MYC: variants seen among roughly 807,000 people sequenced by gnomAD.
MYC encodes myc proto-oncogene protein.
In MYC, 1 loss-of-function variant was observed where a neutral mutation model predicts 30.5. The ratio of observed to expected loss-of-function variants is 0.03; its 90% CI spans 0.01 to 0.16. The LOEUF (loss-of-function observed/expected upper bound fraction) is 0.16, where lower values mean the gene tolerates loss of function less well. Among genes scored for constraint, MYC ranks in the 10% least tolerant of loss-of-function variants. MYC has a pLI of 1.00. For synonymous variants in MYC, 267 were observed against 250.7 expected, an observed-to-expected ratio of 1.07 and a Z score of -0.62; for missense variants, 508 against 589.0, an observed-to-expected ratio of 0.86 and a Z score of 1.42.
In MYC at chr8:127,736,579, G is replaced by A; in HGVS notation, c.-15G>A. The A allele has an allele frequency of 6.2e-7, 1 of 1,614,194 alleles. No individual in the cohort carries two copies. On this transcript the variant is annotated 5_prime_UTR_variant, in exon 1 of 3. Transcript: ENST00000621592. ...CCCGCTTCTCTGAAAGGCTCTCCTT[G>A]CAGCTGCTTAGACGCTGGATTTTTT...
upstream of MYC, chr8:127,735,950 C>T: frequency 2.6e-6 from 1 of 389,548 alleles, no homozygotes. Flanking sequence ...TCCCCACCCT[C>T]CCCATAAGCG....
At chr8:127,735,686 G>T, upstream of MYC, 1 of 399,032 alleles carries the variant, frequency 2.5e-6, no homozygotes, top group Non-Finnish European at 4.4e-6. Context: ...TGGCGTGGCG[G>T]TGGGCGCGCA....
chr8:127,736,767 G>A (rs2130084746), intron 1 of MYC, 144 bp downstream of exon 1: 2 of 906,734 alleles, frequency 2.2e-6, no homozygotes, highest in East Asian at 2.6e-5. Context: ...AACTGGGGCT[G>A]GGGTGGGGGG....
intron 2 of MYC, 123 bp from the exon 3 acceptor site, chr8:127,740,273 G>A (rs1032966246): frequency 9.7e-7 from 1 of 1,033,616 alleles, no homozygotes; most frequent in East Asian, 2.6e-5. Flanking sequence ...TCTTTGGGGA[G>A]ATAATTTTGT....
upstream of MYC, chr8:127,735,987 G>C (rs1430571747): frequency 5.1e-6 from 2 of 389,540 alleles, no homozygotes; most frequent in Admixed American, 4.4e-5. Context: ...AAAGCAGAGG[G>C]CGTGGGGGAA....
rs1813592957 is a variant in MYC, at chr8:127,736,513, T to C, written c.-81T>C. 4.7e-6 allele frequency: 7 copies of C among 1,504,618 alleles called. No individual in the cohort carries two copies. The African/African-American group carries it at 9.7e-5, about 21-fold the overall frequency. 93.2% of individuals were successfully genotyped at this position (1,504,618 alleles called of 1,614,324 possible). A position where few individuals can be genotyped will look rare whatever the true frequency, so the allele number is the denominator to read the frequency against. ...CGCGACTCTCCCGACGCGGGGAGGC[T>C]ATTCTGCCCATTTGGGGACACTTCC... On this transcript the variant is annotated 5_prime_UTR_variant, in exon 1 of 3. Transcript: ENST00000621592.
Position 127,738,408 on chromosome 8 carries a change from T to C in MYC, c.191T>C (p.Ile64Thr). The C allele has an allele frequency of 6.2e-7, 1 of 1,613,518 alleles. No homozygotes were observed. Among genetic ancestry groups the C allele is most frequent in the Non-Finnish European group, 8.5e-7 (1 of 1,179,754 alleles). Residue 64 changes from isoleucine (I) to threonine (T), a missense_variant, in exon 2 of 3, where the codon ATC becomes ACC. Physicochemically the swap from Ile to Thr is moderately conservative, Grantham distance 89. Around this residue, in one of 5 missense-constraint regions of MYC, gnomAD observed 70 missense variants for 84.5 expected, o/e 0.83. Transcript: ENST00000621592. This position sits in a 1 kb window ranked among gnomAD's most constrained non-coding sequence, Gnocchi z 7.6. Reference sequence around the variant, plus strand: ...CAGCCCCCGGCGCCCAGCGAGGATATCTGGAAGAAATTCGAGCTGCTGCCC... The same window carrying C: ...CAGCCCCCGGCGCCCAGCGAGGATACCTGGAAGAAATTCGAGCTGCTGCCC...
chr8:127,737,784 G>C (rs1304484451), intron 1 of MYC, among the ~76,000 whole-genome samples: 1 of 152,338 alleles, frequency 6.6e-6, no homozygotes, highest in African/African-American at 2.4e-5. Flanking sequence ...AGCCGCAGCG[G>C]AGGGGCCCCG....
In MYC at chr8:127,736,647, TTTTAA is replaced by T. The variant is rs770464239; in HGVS notation, c.30+29_30+33del. 111 of 1,612,112 alleles carry T rather than the reference TTTTAA, an allele frequency of 6.9e-5. 1 individual carries two copies. The highest frequency in any genetic ancestry group is 7.7e-5 in the Non-Finnish European group (91 of 1,178,466). On this transcript the variant is annotated intron_variant, in intron 1 of 2. Transcript: ENST00000621592. ...AGGTAAGCACCGAAGTCCACTTGCC[TTTTAA>T]TTTATTTTTTTATCACTTTAATGCT...
chr8:127,736,354 G>A lies in MYC; in HGVS notation c.-240G>A. The A allele has an allele frequency of 5.0e-6, 3 of 600,988 alleles. No individual in the cohort carries two copies. The highest frequency in any genetic ancestry group is 8.9e-6 in the Non-Finnish European group (3 of 338,534). The allele number at this position is 600,988 out of a possible 1,614,324, so 37.2% of individuals were successfully genotyped here. ...GGGAAGGGAGATCCGGAGCGAATAG[G>A]GGGCTTCGCCTCTGGCCCAGCCCTC... On this transcript the variant is annotated 5_prime_UTR_variant, in exon 1 of 3. Coordinates refer to ENST00000621592, the MANE Select transcript of MYC (RefSeq NM_002467.6).
chr8:127,736,163 C>A, upstream of MYC: 1 of 461,842 alleles, frequency 2.2e-6, no homozygotes, highest in Non-Finnish European at 3.8e-6. Context: ...TTCTCAGAGG[C>A]TTGGCGGGAA....
rs758197763 is a variant in MYC, at chr8:127,738,304, C to T, written c.87C>T (p.Leu29=). 6.2e-7 allele frequency: 1 copy of T among 1,611,774 alleles called. No individual in the cohort carries two copies. Among genetic ancestry groups the T allele is most frequent in the East Asian group, 2.2e-5 (1 of 44,818 alleles). Residue 29 remains leucine, a synonymous_variant, in exon 2 of 3, where the codon CTC becomes CTT. Coordinates refer to ENST00000621592, the MANE Select transcript of MYC (RefSeq NM_002467.6). The surrounding 1 kb of genome is among the most constrained non-coding windows in gnomAD (Gnocchi z 7.6). ...GCTTCACCAACAGGAACTATGACCT[C>T]GACTACGACTCGGTGCAGCCGTATT...
intron 1 of MYC, among the ~76,000 whole-genome samples, chr8:127,737,684 G>C (rs572418722): frequency 8.6e-4 from 131 of 152,060 alleles, no homozygotes; most frequent in Non-Finnish European, 1.6e-3. Context: ...GGCGGTACTG[G>C]GGGTGGGGAC....
intron 2 of MYC, among the ~76,000 whole-genome samples, chr8:127,739,855 T>C (rs1301376248): frequency 6.6e-6 from 1 of 152,148 alleles, no homozygotes; most frequent in Non-Finnish European, 1.5e-5. Flanking sequence ...ATCAATGTCC[T>C]ATCCTGGGAA....
rs1813706578 is a variant in MYC at position 127,741,218 on chromosome 8, C to T, written c.*260C>T. 2.8e-6 allele frequency: 1 copy of T among 353,840 alleles called. No individual in the cohort carries two copies. Among genetic ancestry groups the T allele is most frequent in the South Asian group, 9.7e-5 (1 of 10,304 alleles). The allele number at this position is 353,840 out of a possible 1,614,324, so 21.9% of individuals were successfully genotyped here. A position where few individuals can be genotyped will look rare whatever the true frequency, so the allele number is the denominator to read the frequency against. ...AAATTTTAAGATTTACACAATGTTT[C>T]TCTGTAAATATTGCCATTAAATGTA... On this transcript the variant is annotated 3_prime_UTR_variant, in exon 3 of 3. Coordinates refer to ENST00000621592, the MANE Select transcript of MYC (RefSeq NM_002467.6).
In MYC at chr8:127,741,190, A is replaced by T. The variant is rs990034221; in HGVS notation, c.*232A>T. 16 of 392,170 alleles carry T rather than the reference A, an allele frequency of 4.1e-5. No homozygotes were observed. Among genetic ancestry groups the T allele is most frequent in the Admixed American group, 2.0e-4 (5 of 24,994 alleles). The allele number at this position is 392,170 out of a possible 1,614,324, so 24.3% of individuals were successfully genotyped here. On this transcript the variant is annotated 3_prime_UTR_variant, in exon 3 of 3. Transcript: ENST00000621592. Reference sequence around the variant, plus strand: ...AGATTTGTATTTAAGAATTGTTTTTAAAAAATTTTAAGATTTACACAATGT... The same window carrying T: ...AGATTTGTATTTAAGAATTGTTTTTTAAAAATTTTAAGATTTACACAATGT...
Position 127,738,770 on chromosome 8 carries a change from G to T in MYC, c.553G>T (p.Val185Phe). ...CCCGAACCCCGCCCGCGGCCACAGCGTCTGCTCCACCTCCAGCTTGTACCT... is the reference window on the plus strand; with the variant it reads ...CCCGAACCCCGCCCGCGGCCACAGCTTCTGCTCCACCTCCAGCTTGTACCT... The change falls in exon 2 of 3, where the codon GTC becomes TTC. Residue 185 changes from valine to phenylalanine, a missense_variant. Val to Phe is a conservative substitution (Grantham distance 50). Transcript: ENST00000621592. This position sits in a 1 kb window ranked among gnomAD's most constrained non-coding sequence, Gnocchi z 7.6. 1.9e-6 allele frequency: 3 copies of T among 1,610,852 alleles called. No individual in the cohort carries two copies. Among genetic ancestry groups the T allele is most frequent in the African/African-American group, 1.3e-5 (1 of 74,982 alleles).
Position 127,738,226 on chromosome 8 carries a change from C to T in MYC, c.31-22C>T, listed in dbSNP as rs188937617. 25 of 1,557,962 alleles carry T rather than the reference C, an allele frequency of 1.6e-5. No homozygotes were observed. In the East Asian group the frequency reaches 4.3e-4, roughly 27 times the overall value. ...ACCCCTTTAACTCAAGACTGCCTCC[C>T]GCTTTGTGTGCCCCGCTCCAGCAGC... On this transcript the variant is annotated intron_variant, in intron 1 of 2. Transcript: ENST00000621592. This position sits in a 1 kb window ranked among gnomAD's most constrained non-coding sequence, Gnocchi z 7.6.
Position 127,736,316 on chromosome 8 carries a change from C to T in MYC, c.-278C>T. 2 of 586,952 alleles carry T rather than the reference C, an allele frequency of 3.4e-6. No individual in the cohort carries two copies. Among genetic ancestry groups the T allele is most frequent in the Non-Finnish European group, 3.0e-6 (1 of 331,484 alleles). The allele number at this position is 586,952 out of a possible 1,614,324, so 36.4% of individuals were successfully genotyped here. ...GAAGAGCCGGGCGAGCAGAGCTGCG[C>T]TGCGGGCGTCCTGGGAAGGGAGATC... On this transcript the variant is annotated 5_prime_UTR_variant, in exon 1 of 3. Coordinates refer to ENST00000621592, the MANE Select transcript of MYC (RefSeq NM_002467.6).
Sources: gnomAD v4.1 joint callset for allele counts (sites outside exome capture counted in the v4.1 genomes callset) on GRCh38, gnomAD v4.1.1 for gene constraint, gnomAD v4.1.1 regional missense constraint, Gnocchi (gnomAD v3.1) non-coding constraint, MANE v1.5 for transcripts, NCBI Gene and HGNC (gene_info 2026-07-23, HGNC 2026-07-21) for gene names.